Variants in H2BC18 observed in about 807,000 individuals in gnomAD.
H2BC18 encodes the protein histone H2B type 2-F.
H2BC18 carries 8 observed loss-of-function variants against 6.3 expected under a neutral mutation model. The observed-to-expected ratio is 1.28, with a 90% CI of 0.75 to 2.31. The LOEUF (loss-of-function observed/expected upper bound fraction) is 2.31, where lower values mean the gene tolerates loss of function less well. Ranked by LOEUF, H2BC18 falls within the 30% of genes most tolerant of loss-of-function variation. H2BC18 has a pLI of 0.00. For synonymous variants in H2BC18, 104 were observed against 78.1 expected (o/e 1.33, Z -1.75); for missense variants, 106 against 174.5 (o/e 0.61, Z 2.21).
intron 1 of H2BC18, among the ~76,000 whole-genome samples, chr1:149,801,401 A>C (rs1553753333): frequency 2.0e-5 from 3 of 151,140 alleles, no homozygotes; most frequent in Non-Finnish European, 2.9e-5. Context: ...TGTGCATTAG[A>C]GATGGGAAAC....
At chr1:149,788,655 C>T in intron 1 of H2BC18, 1 of 1,612,496 alleles carries the variant, frequency 6.2e-7, no homozygotes, top group Non-Finnish European at 8.5e-7. Context: ...GATAGTCCCT[C>T]CCCCTGAGGG....
chr1:149,784,326 T>C (rs2091482021), intron 1 of H2BC18: 2 of 1,611,476 alleles, frequency 1.2e-6, no homozygotes, highest in African/African-American at 2.7e-5. Context: ...CCTTTCTGGA[T>C]GCCAGATGTG....
intron 1 of H2BC18, chr1:149,792,682 G>T (rs1553752160): frequency 7.8e-7 from 1 of 1,280,576 alleles, no homozygotes; most frequent in East Asian, 5.7e-5. Context: ...CAGCGCCCGG[G>T]GACCCAGCTG....
chr1:149,805,777 T>G (rs1553753820), intron 1 of H2BC18, among the ~76,000 whole-genome samples: 2 of 152,040 alleles, frequency 1.3e-5, no homozygotes, highest in Non-Finnish European at 2.9e-5. Context: ...CCTACCTTCA[T>G]AGGACTTATT....
chr1:149,793,298 A>G, intron 1 of H2BC18: 1 of 1,182,852 alleles, frequency 8.5e-7, no homozygotes, highest in Non-Finnish European at 1.1e-6. Flanking sequence ...CTCCCCGTCC[A>G]GCTCGGAGGA....
At chr1:149,789,086 A>C (rs1553751299) in intron 1 of H2BC18, among the ~76,000 whole-genome samples, 1 of 151,734 alleles carries the variant, frequency 6.6e-6, no homozygotes, top group African/African-American at 2.4e-5. Context: ...TCTGCAGGCT[A>C]AGCAGTTTGC....
chr1:149,792,737 C>G, intron 1 of H2BC18: 4 of 1,283,982 alleles, frequency 3.1e-6, no homozygotes, highest in Non-Finnish European at 4.1e-6. Flanking sequence ...CTCCGCGCCC[C>G]CGCCAAAACC....
At chr1:149,785,452 C>T (rs7367554) in intron 1 of H2BC18, among the ~76,000 whole-genome samples, 1 of 135,730 alleles carries the variant, frequency 7.4e-6, no homozygotes, top group Non-Finnish European at 1.6e-5. Flanking sequence ...AGTCTCACTC[C>T]GTTGCCCAGG....
chr1:149,807,789 G>T (rs1490666610), downstream of H2BC18, among the ~76,000 whole-genome samples: 26 of 152,164 alleles, frequency 1.7e-4, 3 homozygotes, highest in African/African-American at 5.3e-4. Context: ...AGGTGACAGA[G>T]CAAGATTCCA....
intron 1 of H2BC18, among the ~76,000 whole-genome samples, chr1:149,798,862 C>T: frequency 6.6e-6 from 1 of 151,976 alleles, no homozygotes; most frequent in African/African-American, 2.4e-5. Flanking sequence ...ATCCTCCTGC[C>T]TCAGCTTCCC....
intron 1 of H2BC18, chr1:149,785,595 C>T (rs1421512862): frequency 9.9e-5 from 15 of 151,610 alleles, no homozygotes; most frequent in African/African-American, 3.6e-4. Flanking sequence ...TGGGAAGAGT[C>T]CATTTTCTTT....
intron 1 of H2BC18, chr1:149,788,663 G>A: frequency 6.2e-7 from 1 of 1,608,372 alleles, no homozygotes; most frequent in Non-Finnish European, 8.5e-7. Flanking sequence ...CTCCCCCTGA[G>A]GGACCATCAT....
chr1:149,791,174 A>G, intron 1 of H2BC18: 1 of 1,605,064 alleles, frequency 6.2e-7, no homozygotes, highest in Admixed American at 1.7e-5. Flanking sequence ...TTCCAAACAT[A>G]ACTCAGCTAG....
At position 149,812,332 on chromosome 1, in the gene H2BC18, G is replaced by A. The variant is rs377290061; in HGVS notation, c.-9C>T. The stretch of plus-strand genomic sequence containing the variant: ...TTCGCTGGATCCGGCATTTTTGCGC[G>A]AAAAAAGAGAAAAGAGACTTAAAGA... On this transcript the variant is annotated 5_prime_UTR_variant, in exon 1 of 1. Transcript: ENST00000369167. The A allele has an allele frequency of 1.9e-5, 30 of 1,613,160 alleles. 1 individual carries two copies. Among genetic ancestry groups the A allele is most frequent in the Admixed American group, 1.0e-4 (6 of 59,672 alleles).
intron 1 of H2BC18, chr1:149,785,547 G>C (rs2091525198): frequency 1.3e-5 from 2 of 149,596 alleles, no homozygotes. Context: ...TCAAGCAGAA[G>C]TGTTTCATGG....
At chr1:149,802,457 T>A (rs2091881791) in intron 1 of H2BC18, among the ~76,000 whole-genome samples, 1 of 152,164 alleles carries the variant, frequency 6.6e-6, no homozygotes, top group Non-Finnish European at 1.5e-5. Flanking sequence ...AGAGAAATTA[T>A]AAGTAGTTTA....
intron 1 of H2BC18, among the ~76,000 whole-genome samples, chr1:149,789,897 C>A (rs1433397328): frequency 2.6e-5 from 4 of 152,124 alleles, no homozygotes; most frequent in Admixed American, 2.6e-4. Context: ...TATTAGGACA[C>A]CCCAAGAATG....
At chr1:149,808,632 T>C (rs2091945395), downstream of H2BC18, among the ~76,000 whole-genome samples, 1 of 152,260 alleles carries the variant, frequency 6.6e-6, no homozygotes, top group Non-Finnish European at 1.5e-5. Context: ...ATATATTTGA[T>C]AATACATACT....
chr1:149,792,239 G>C (rs144844341), intron 1 of H2BC18: 2 of 176,296 alleles, frequency 1.1e-5, no homozygotes, highest in African/African-American at 4.8e-5. Context: ...TTTGTTTAAC[G>C]ATTAAGTCCA....
Sources: gnomAD v4.1 joint callset for allele counts (sites outside exome capture counted in the v4.1 genomes callset) on GRCh38, gnomAD v4.1.1 for gene constraint, MANE v1.5 for transcripts, NCBI Gene and HGNC (gene_info 2026-07-23, HGNC 2026-07-21) for gene names.